Variants in ARHGAP24 observed in about 807,000 individuals in gnomAD.
ARHGAP24 encodes Rho GTPase activating protein 24.
A neutral mutation model predicts 76.4 loss-of-function variants in ARHGAP24; 50 were observed. The ratio of observed to expected loss-of-function variants is 0.65; its 90% confidence interval spans 0.52 to 0.83. ARHGAP24 has a LOEUF of 0.83. Among genes scored for constraint, ARHGAP24 ranks in the 40% least tolerant of loss-of-function variants. The pLI is 0.00. For missense variants in ARHGAP24, 930 were observed against 914.2 expected (o/e 1.02, Z -0.22); for synonymous variants, 345 against 323.3 (o/e 1.07, Z -0.72).
chr4:85,489,840 T>C (rs1325968063), intron 1 of ARHGAP24, among the ~76,000 whole-genome samples: 1 of 152,312 alleles, frequency 6.6e-6, no homozygotes, highest in East Asian at 1.9e-4. Flanking sequence ...CTTACTTGTT[T>C]AGCAAGTAAC....
At chr4:85,616,912 G>A (rs927581316) in intron 2 of ARHGAP24, among the ~76,000 whole-genome samples, 5 of 152,116 alleles carry the variant, frequency 3.3e-5, no homozygotes, top group African/African-American at 4.8e-5. Context: ...ACAGACGTGA[G>A]CCGGCATGCC....
intron 1 of ARHGAP24, among the ~76,000 whole-genome samples, chr4:85,506,326 G>T (rs1434219271): frequency 2.0e-5 from 3 of 152,176 alleles, no homozygotes; most frequent in East Asian, 3.9e-4. Flanking sequence ...GCTGCCTTTT[G>T]TTCAGCTATG....
chr4:85,636,815 A>T (rs755311523), intron 2 of ARHGAP24, among the ~76,000 whole-genome samples: 1 of 152,024 alleles, frequency 6.6e-6, no homozygotes, highest in African/African-American at 2.4e-5. Context: ...TGCACTAGTC[A>T]TATACAGTAA....
chr4:85,686,179 C>T (rs962279548), intron 2 of ARHGAP24, among the ~76,000 whole-genome samples: 7 of 152,116 alleles, frequency 4.6e-5, no homozygotes, highest in African/African-American at 1.7e-4. Context: ...ACAGAGCCTA[C>T]TTATATTTAA....
chr4:85,647,928 G>A (rs1472809428), intron 2 of ARHGAP24, among the ~76,000 whole-genome samples: 1 of 152,112 alleles, frequency 6.6e-6, no homozygotes, highest in African/African-American at 2.4e-5. Context: ...CAACTAGAAT[G>A]TAAGCTTTAT....
intron 2 of ARHGAP24, among the ~76,000 whole-genome samples, chr4:85,596,318 G>T (rs1719835741): frequency 1.3e-5 from 2 of 152,016 alleles, no homozygotes; most frequent in Non-Finnish European, 2.9e-5. Flanking sequence ...GGTCAAACAT[G>T]AAGTGGAGAG....
Position 85,901,947 on chromosome 4 carries a change from G to A in ARHGAP24, c.269-21701G>A, listed in dbSNP as rs758104776. ...AGGTTTTAAGCCCCGCATGCATTAG[G>A]TATTTGTTCTAATGCTCTCCCTCCC... On this transcript the variant is annotated intron_variant, in intron 3 of 9. Transcript: ENST00000395184. Among the ~76,000 whole-genome samples, 55 of 152,086 alleles carry A rather than the reference G, an allele frequency of 3.6e-4. 2 individuals carry two copies. The highest frequency in any genetic ancestry group is 6.3e-4 in the South Asian group (3 of 4,788).
At chr4:85,736,651 T>C (rs572819214) in intron 3 of ARHGAP24, among the ~76,000 whole-genome samples, 57 of 152,304 alleles carry the variant, frequency 3.7e-4, no homozygotes, top group African/African-American at 1.3e-3. Flanking sequence ...GGAACACCGA[T>C]CAAGTCCATT....
chr4:85,750,122 T>C (rs1196994477), intron 3 of ARHGAP24, among the ~76,000 whole-genome samples: 1 of 152,142 alleles, frequency 6.6e-6, no homozygotes, highest in Non-Finnish European at 1.5e-5. Flanking sequence ...CTGGAACTTG[T>C]TTTTTGGTAG....
At chr4:85,784,000 T>C (rs1162840820) in intron 3 of ARHGAP24, among the ~76,000 whole-genome samples, 1 of 152,220 alleles carries the variant, frequency 6.6e-6, no homozygotes, top group Non-Finnish European at 1.5e-5. Flanking sequence ...ATGTTCTTTT[T>C]TCCTGGTGCC....
intron 2 of ARHGAP24, among the ~76,000 whole-genome samples, chr4:85,592,503 T>C (rs1728159204): frequency 6.6e-6 from 1 of 152,202 alleles, no homozygotes; most frequent in South Asian, 2.1e-4. Context: ...TATACTCTTT[T>C]AGTTATTTTA....
intron 3 of ARHGAP24, among the ~76,000 whole-genome samples, chr4:85,778,290 G>A (rs1228417574): frequency 6.6e-6 from 1 of 152,166 alleles, no homozygotes; most frequent in Non-Finnish European, 1.5e-5. Flanking sequence ...AAATCCAAAG[G>A]AAATGTTTTC....
chr4:85,843,302 G>A (rs772022286), intron 3 of ARHGAP24, among the ~76,000 whole-genome samples: 2 of 151,976 alleles, frequency 1.3e-5, no homozygotes, highest in East Asian at 1.9e-4. Flanking sequence ...ATCATGAGTC[G>A]GGAGGTCTGC....
intron 3 of ARHGAP24, among the ~76,000 whole-genome samples, chr4:85,761,200 T>C (rs910269330): frequency 1.7e-4 from 26 of 152,224 alleles, no homozygotes; most frequent in Non-Finnish European, 3.1e-4. Context: ...GCTGGAGTTC[T>C]TCCTAATTTG....
chr4:85,526,189 T>C (rs1724983620), intron 1 of ARHGAP24, among the ~76,000 whole-genome samples: 1 of 151,952 alleles, frequency 6.6e-6, no homozygotes, highest in Non-Finnish European at 1.5e-5. Flanking sequence ...GATGGGTGGA[T>C]GGCCTGAGCG....
intron 1 of ARHGAP24, among the ~76,000 whole-genome samples, chr4:85,487,158 A>G (rs1030543915): frequency 7.3e-6 from 1 of 137,726 alleles, no homozygotes; most frequent in Non-Finnish European, 1.5e-5. Context: ...GTGTGTATAT[A>G]TATATAAATA....
At chr4:85,974,264 C>T (rs572723045) in intron 6 of ARHGAP24, among the ~76,000 whole-genome samples, 11 of 152,230 alleles carry the variant, frequency 7.2e-5, no homozygotes, top group Admixed American at 7.2e-4. Context: ...CAAGCAGAGA[C>T]CATTTGTCCC....
At chr4:85,718,200 A>G (rs1212760739) in intron 2 of ARHGAP24, among the ~76,000 whole-genome samples, 1 of 152,156 alleles carries the variant, frequency 6.6e-6, no homozygotes, top group African/African-American at 2.4e-5. Context: ...TTATAAATGT[A>G]TTACAGCAGT....
chr4:85,958,612 T>C (rs972770257), intron 5 of ARHGAP24, among the ~76,000 whole-genome samples: 34 of 152,336 alleles, frequency 2.2e-4, no homozygotes, highest in African/African-American at 7.5e-4. Context: ...TGACTCAGAT[T>C]GTAAATTTTC....
Sources: gnomAD v4.1 joint callset for allele counts (sites outside exome capture counted in the v4.1 genomes callset) on GRCh38, gnomAD v4.1.1 for gene constraint, MANE v1.5 for transcripts, NCBI Gene and HGNC (gene_info 2026-07-23, HGNC 2026-07-21) for gene names.